DAB1: variants seen among roughly 807,000 people sequenced by gnomAD.
The protein encoded by DAB1 is disabled homolog 1.
A neutral mutation model predicts 64.6 loss-of-function variants in DAB1; 15 were observed. The observed-to-expected ratio is 0.23, with a 90% CI of 0.16 to 0.36. The LOEUF (loss-of-function observed/expected upper bound fraction) is 0.36. Ranked by LOEUF, DAB1 falls within the 10% of genes least tolerant of loss-of-function variation. The pLI, the probability that DAB1 is intolerant of heterozygous loss-of-function variation, is 1.00. For synonymous variants in DAB1, 235 were observed against 251.9 expected (o/e 0.93, Z 0.64); for missense variants, 596 against 706.7 (o/e 0.84, Z 1.78).
At chr1:57,132,578 T>C (rs993466532) in intron 4 of DAB1, among the ~76,000 whole-genome samples, 1 of 152,174 alleles carries the variant, frequency 6.6e-6, no homozygotes, top group Admixed American at 6.5e-5. Context: ...TTGGAGCATT[T>C]CACATTTTGG....
At chr1:57,540,066 C>G (rs765274686) in intron 7 of DAB1, among the ~76,000 whole-genome samples, 10 of 152,150 alleles carry the variant, frequency 6.6e-5, no homozygotes, top group Non-Finnish European at 1.0e-4. Flanking sequence ...GATTAGCACA[C>G]TTATTGAATA....
chr1:58,032,636 G>A (rs539174171), intron 5 of DAB1, among the ~76,000 whole-genome samples: 71 of 152,318 alleles, frequency 4.7e-4, no homozygotes, highest in African/African-American at 1.6e-3. Flanking sequence ...GATCCAGAGA[G>A]GTTAAAGTGC....
intron 3 of DAB1, among the ~76,000 whole-genome samples, chr1:58,424,713 G>A (rs576899333): frequency 6.6e-6 from 1 of 152,274 alleles, no homozygotes; most frequent in South Asian, 2.1e-4. Context: ...AGGAATGGGG[G>A]CTCAAAACTA....
intron 2 of DAB1, among the ~76,000 whole-genome samples, chr1:58,517,329 C>T (rs1646172945): frequency 6.6e-6 from 1 of 152,234 alleles, no homozygotes; most frequent in African/African-American, 2.4e-5. Context: ...CTCTTGAATT[C>T]TGTTGACATT....
chr1:58,431,809 T>C (rs1203593143), intron 3 of DAB1, among the ~76,000 whole-genome samples: 1 of 152,096 alleles, frequency 6.6e-6, no homozygotes, highest in East Asian at 1.9e-4. Flanking sequence ...GTCTAAGCCA[T>C]GGGCTCTGCA....
At chr1:58,366,158 A>G (rs12128697) in intron 3 of DAB1, among the ~76,000 whole-genome samples, 30,485 of 152,100 alleles carry the variant, frequency 0.2, 3,146 homozygotes, top group Middle Eastern at 0.3. Context: ...TTCCATCCTG[A>G]AAGAGCCAGG....
intron 5 of DAB1, among the ~76,000 whole-genome samples, chr1:57,952,334 T>C (rs961413071): frequency 3.9e-5 from 6 of 152,150 alleles, no homozygotes; most frequent in African/African-American, 1.4e-4. Context: ...AAGAAGAAAC[T>C]GGGTTCCTGG....
At chr1:57,724,303 G>GAA (rs1187865316) in intron 6 of DAB1, among the ~76,000 whole-genome samples, 390 of 133,732 alleles carry the variant, frequency 2.9e-3, no homozygotes, top group African/African-American at 0.012. Context: ...AGGAAGGAAG[G>GAA]GAGGGAGGGA....
At chr1:58,322,919 A>G (rs7539504) in intron 4 of DAB1, among the ~76,000 whole-genome samples, 11,259 of 152,156 alleles carry the variant, frequency 0.074, 977 homozygotes, top group East Asian at 0.24. Flanking sequence ...CATAAAAAAG[A>G]ATGAGTTCAT....
intron 9 of DAB1, among the ~76,000 whole-genome samples, chr1:57,043,029 T>G (rs1010297382): frequency 6.6e-6 from 1 of 152,168 alleles, no homozygotes; most frequent in Non-Finnish European, 1.5e-5. Flanking sequence ...GAAAAAGTTA[T>G]AAGAACAGGG....
At chr1:58,412,616 T>C (rs1021907489) in intron 3 of DAB1, among the ~76,000 whole-genome samples, 13 of 152,204 alleles carry the variant, frequency 8.5e-5, no homozygotes, top group African/African-American at 2.9e-4. Context: ...ATTTGGTACA[T>C]AAGTCTGGTC....
intron 6 of DAB1, among the ~76,000 whole-genome samples, chr1:57,800,001 G>C (rs1008896350): frequency 1.3e-5 from 2 of 152,162 alleles, no homozygotes; most frequent in African/African-American, 2.4e-5. Flanking sequence ...ATGGACAGGA[G>C]CCAGATTAGG....
chr1:58,392,227 C>A (rs577247763), intron 3 of DAB1, among the ~76,000 whole-genome samples: 1 of 152,276 alleles, frequency 6.6e-6, no homozygotes, highest in South Asian at 2.1e-4. Flanking sequence ...CTACAAAAAC[C>A]AAAACAAGCT....
intron 3 of DAB1, among the ~76,000 whole-genome samples, chr1:58,409,685 C>A (rs1175283428): frequency 1.3e-5 from 2 of 152,162 alleles, no homozygotes; most frequent in African/African-American, 2.4e-5. Context: ...CCTCTCTAGA[C>A]CTCATTTTTA....
At chr1:58,052,513 G>C (rs1647745441) in intron 5 of DAB1, among the ~76,000 whole-genome samples, 1 of 152,204 alleles carries the variant, frequency 6.6e-6, no homozygotes, top group Admixed American at 6.5e-5. Context: ...GCTTAGGATT[G>C]ACTTGGCAAT....
At chr1:57,932,909 G>A (rs1262120486) in intron 5 of DAB1, among the ~76,000 whole-genome samples, 1 of 152,108 alleles carries the variant, frequency 6.6e-6, no homozygotes, top group Non-Finnish European at 1.5e-5. Context: ...AGGTCAGTTA[G>A]GCTCTCATAA....
intron 7 of DAB1, among the ~76,000 whole-genome samples, chr1:57,589,118 C>T (rs1341257992): frequency 6.6e-6 from 1 of 152,114 alleles, no homozygotes; most frequent in African/African-American, 2.4e-5. Flanking sequence ...CAGCTATAGG[C>T]TAAGGCAGGA....
At chr1:57,308,769 T>A (rs1674412563) in intron 1 of DAB1, among the ~76,000 whole-genome samples, 1 of 152,122 alleles carries the variant, frequency 6.6e-6, no homozygotes, top group Non-Finnish European at 1.5e-5. Flanking sequence ...AAAATAGTAA[T>A]CTCAGTGCTC....
chr1:57,199,613 G>A lies in DAB1; in HGVS notation c.68-54184C>T, dbSNP rs569786521. On this transcript the variant is annotated intron_variant, in intron 2 of 14. Transcript: ENST00000371236. ...ACAATTCTGACTACAGGGAAATCACGGATCATCTGCAGGGAAATGAAGATG... is the reference window on the plus strand; with the variant it reads ...ACAATTCTGACTACAGGGAAATCACAGATCATCTGCAGGGAAATGAAGATG... 1.4e-4 allele frequency among the ~76,000 whole-genome samples: 21 copies of A among 152,288 alleles called. No homozygotes were observed. The South Asian group carries it at 3.3e-3, about 24-fold the overall frequency.
Sources: gnomAD v4.1 joint callset for allele counts (sites outside exome capture counted in the v4.1 genomes callset) on GRCh38, gnomAD v4.1.1 for gene constraint, MANE v1.5 for transcripts, NCBI Gene and HGNC (gene_info 2026-07-23, HGNC 2026-07-21) for gene names.